The following ADGRG1 variants were observed in gnomAD, a reference collection of about 807,000 sequenced individuals.
The protein encoded by ADGRG1 is 7-transmembrane protein with no EGF-like N-terminal domains-1.
ADGRG1 carries 53 observed loss-of-function variants against 73.5 expected under a neutral mutation model. That is an observed-to-expected ratio of 0.72 (90% confidence interval 0.58 to 0.91). The LOEUF is 0.91. Ranked by LOEUF, ADGRG1 falls within the 40% of genes least tolerant of loss-of-function variation. The pLI, the probability that ADGRG1 is intolerant of heterozygous loss-of-function variation, is 0.00. For synonymous variants in ADGRG1, 394 were observed against 374.4 expected (o/e 1.05, Z -0.60); for missense variants, 795 against 871.8 (o/e 0.91, Z 1.11).
chr16:57,646,638 C>T lies in ADGRG1; in HGVS notation c.-35-3615C>T, dbSNP rs934701107. On this transcript the variant is annotated intron_variant, in intron 1 of 13. Transcript: ENST00000562631. The stretch of plus-strand genomic sequence containing the variant: ...CCTTCCCTTTGTGGGGATTCTAAAG[C>T]CGGGGAGTTGGGAAGGATGTGCATC... The T allele has an allele frequency of 7.1e-6, 7 of 985,006 alleles. No homozygotes were observed. The South Asian group carries it at 2.8e-4, about 40-fold the overall frequency. 61.0% of individuals were successfully genotyped at this position (985,006 alleles called of 1,614,324 possible). A position where few individuals can be genotyped will look rare whatever the true frequency, so the allele number is the denominator to read the frequency against.
At position 57,662,437 on chromosome 16, in the gene ADGRG1, C is replaced by T. The variant is rs116519620; in HGVS notation, c.1933+472C>T. Among the ~76,000 whole-genome samples the T allele has an allele frequency of 5.4e-3, 816 of 152,212 alleles. 8 individuals carry two copies. Among genetic ancestry groups the T allele is most frequent in the African/African-American group, 0.019 (769 of 41,526 alleles). ...TGGGGGGGCCTCCCTACTCCAGGCG[C>T]GGTCCACAGACCAGCAGCAGCAGCG... On this transcript the variant is annotated intron_variant, in intron 13 of 13. Coordinates refer to ENST00000562631, the MANE Select transcript of ADGRG1 (RefSeq NM_201525.4).
intron 10 of ADGRG1, among the ~76,000 whole-genome samples, chr16:57,658,512 C>A (rs539414989): frequency 6.6e-6 from 1 of 152,220 alleles, no homozygotes; most frequent in Non-Finnish European, 1.5e-5. Flanking sequence ...TGTATTTATG[C>A]GTGTGCACAA....
At chr16:57,636,396 G>A (rs1370817386) in intron 1 of ADGRG1, 4 of 985,108 alleles carry the variant, frequency 4.1e-6, no homozygotes, top group African/African-American at 1.7e-5. Flanking sequence ...AGCCTTTATC[G>A]GGAAAACAAA....
intron 5 of ADGRG1, 57 bp from the exon 6 acceptor site, chr16:57,655,342 T>TG: frequency 6.2e-6 from 10 of 1,600,156 alleles, no homozygotes; most frequent in Middle Eastern, 1.9e-4. Context: ...TGTGCTAGGG[T>TG]GGGGGGCACG....
intron 1 of ADGRG1, chr16:57,637,522 T>C: frequency 1.0e-6 from 1 of 985,426 alleles, no homozygotes; most frequent in Non-Finnish European, 1.2e-6. Context: ...CACAGGATCC[T>C]TTGATGCAAC....
At position 57,655,437 on chromosome 16, in the gene ADGRG1, G is replaced by T. The variant is rs1488480156; in HGVS notation, c.807G>T (p.Leu269=). The T allele has an allele frequency of 6.2e-7, 1 of 1,613,772 alleles. No individual in the cohort carries two copies. Among genetic ancestry groups the T allele is most frequent in the Non-Finnish European group, 8.5e-7 (1 of 1,180,012 alleles). The change falls in exon 6 of 14, where the codon CTG becomes CTT. Residue 269 remains leucine, a synonymous_variant. Transcript: ENST00000562631. ...QSEIMEYSVL[L]PRTLFQRTKG... ...AGATCATGGAGTACTCGGTGCTGCT[G>T]CCTCGAACACTCTTCCAGAGGACGA...
At chr16:57,631,802 G>A (rs940154128) in intron 1 of ADGRG1, 2 of 985,488 alleles carry the variant, frequency 2.0e-6, no homozygotes, top group Non-Finnish European at 2.4e-6. Flanking sequence ...CTGAGACCCT[G>A]CCCCTCCTCC....
chr16:57,653,208 CCCCACACGGCCGCT>C lies in ADGRG1; in HGVS notation c.495_508del (p.His166GlnfsTer115). The C allele has an allele frequency of 6.2e-7, 1 of 1,608,982 alleles. No homozygotes were observed. Among genetic ancestry groups the C allele is most frequent in the African/African-American group, 1.3e-5 (1 of 75,044 alleles). On this transcript the variant is annotated frameshift_variant, in exon 4 of 14. Transcript: ENST00000562631. LOFTEE classifies it high-confidence loss of function. ...CCTGTCCACCCCTCCCCCAGGTCCTCCCCACACGGCCGCTCACAATGCCTCGGTGGACATGTGCG... is the reference window on the plus strand; with the variant it reads ...CCTGTCCACCCCTCCCCCAGGTCCTCCACAATGCCTCGGTGGACATGTGCG...
At chr16:57,640,834 G>A (rs1205977139) in intron 1 of ADGRG1, 8 of 956,846 alleles carry the variant, frequency 8.4e-6, no homozygotes, top group African/African-American at 1.8e-5. Flanking sequence ...AGTGTCCTGC[G>A]CTCCAAAGAT....
chr16:57,632,684 CG>C lies in ADGRG1; in HGVS notation c.-36+3885del, dbSNP rs1257685805. ...GTGAGGAGGCCAGTGTGGTGGGCGT[CG>C]GGCTCCCGAGCTGGCGCCTGCGCAG... On this transcript the variant is annotated intron_variant, in intron 1 of 13. Coordinates refer to ENST00000562631, the MANE Select transcript of ADGRG1 (RefSeq NM_201525.4). The C allele has an allele frequency of 1.6e-5, 11 of 679,960 alleles. No individual in the cohort carries two copies. The African/African-American group carries it at 2.1e-4, about 13-fold the overall frequency. 42.1% of individuals were successfully genotyped at this position (679,960 alleles called of 1,614,324 possible). A position where few individuals can be genotyped will look rare whatever the true frequency, so the allele number is the denominator to read the frequency against.
intron 3 of ADGRG1, chr16:57,652,571 GT>G (rs1344795147): frequency 1.0e-6 from 1 of 960,656 alleles, no homozygotes; most frequent in East Asian, 1.1e-4. Flanking sequence ...ACTTGGTCTT[GT>G]TTGGCCTGTA....
rs769527143 is a variant in ADGRG1 at position 57,651,244 on chromosome 16, C to T, written c.109C>T (p.Gln37Ter). The T allele has an allele frequency of 1.2e-6, 2 of 1,614,192 alleles. No individual in the cohort carries two copies. The highest frequency in any genetic ancestry group is 1.7e-5 in the Admixed American group (1 of 60,028). Residue 37 changes from glutamine (Q) to a stop codon, truncating the protein, a stop_gained, in exon 3 of 14, where the codon CAG becomes TAG. Transcript: ENST00000562631. LOFTEE classifies it high-confidence loss of function. ...CAGGGAAGACTTTCGCTTCTGCAGC[C>T]AGCGGAACCAGACACACAGGAGCAG... is the stretch of plus-strand genomic sequence containing the variant. ...GHREDFRFCS[Q>*]RNQTHRSSLH...
chr16:57,661,140 G>T, intron 12 of ADGRG1: 1 of 308,824 alleles, frequency 3.2e-6, no homozygotes, highest in Non-Finnish European at 4.7e-6. Context: ...ATGGGGGTAT[G>T]GGTTGGAGCA....
At chr16:57,630,555 G>A (rs1389598883) in intron 1 of ADGRG1, 64 of 982,674 alleles carry the variant, frequency 6.5e-5, no homozygotes, top group East Asian at 2.3e-4. Flanking sequence ...GATGGAGAAC[G>A]CCGCTCCAGG....
At chr16:57,621,865 C>G in intron 2 of ADGRG1, 9 of 985,246 alleles carry the variant, frequency 9.1e-6, no homozygotes, top group Non-Finnish European at 1.1e-5. Context: ...TGCTGGTGAC[C>G]CCATGCCAAG....
intron 1 of ADGRG1, chr16:57,637,575 G>A (rs774363741): frequency 5.8e-5 from 57 of 985,312 alleles, no homozygotes; most frequent in Middle Eastern, 5.2e-4. Flanking sequence ...GAGCCTTTCC[G>A]GGAGAAGGTT....
At chr16:57,627,956 G>C (rs1204291240), upstream of ADGRG1, 3 of 979,982 alleles carry the variant, frequency 3.1e-6, no homozygotes, top group Non-Finnish European at 3.6e-6. Context: ...CTCAGCAGAT[G>C]GATTAAAGGA....
At chr16:57,655,042 C>T (rs1330909727) in intron 5 of ADGRG1, 1 of 984,698 alleles carries the variant, frequency 1.0e-6, no homozygotes, top group Non-Finnish European at 1.2e-6. Flanking sequence ...TTGAGACTGC[C>T]CCCTGAGTGG....
At chr16:57,649,206 G>A (rs2043419306) in intron 1 of ADGRG1, among the ~76,000 whole-genome samples, 1 of 152,204 alleles carries the variant, frequency 6.6e-6, no homozygotes, top group Admixed American at 6.5e-5. Context: ...TGGCGGTCAT[G>A]ATAGGAAGCG....
Sources: allele counts gnomAD v4.1 joint callset (sites outside exome capture counted in the v4.1 genomes callset), GRCh38; gene constraint gnomAD v4.1.1; transcripts MANE v1.5; gene names NCBI Gene and HGNC (gene_info 2026-07-23, HGNC 2026-07-21).